The following EPB41L1 variants were observed in gnomAD, a reference collection of about 807,000 sequenced individuals.
EPB41L1 encodes the protein band 4.1-like protein 1.
EPB41L1 carries 29 observed loss-of-function variants against 97.8 expected under a neutral mutation model. The ratio of observed to expected loss-of-function variants is 0.30; its 90% CI spans 0.22 to 0.40. The LOEUF is 0.40. Ranked by LOEUF, EPB41L1 falls within the 10% of genes least tolerant of loss-of-function variation. The probability of loss-of-function intolerance (pLI) is 1.00; values close to 1 mark genes in which losing one functional copy is unlikely to be tolerated. For missense variants in EPB41L1, 812 were observed against 1,162.3 expected, an observed-to-expected ratio of 0.70 and a Z score of 4.38; for synonymous variants, 383 against 459.2, an observed-to-expected ratio of 0.83 and a Z score of 2.12.
At chr20:36,117,695 G>C (rs371203552) in intron 2 of EPB41L1, among the ~76,000 whole-genome samples, 1 of 152,242 alleles carries the variant, frequency 6.6e-6, no homozygotes, top group Non-Finnish European at 1.5e-5. Context: ...AGAAGCCAGT[G>C]TCCAGGAATC....
intron 1 of EPB41L1, chr20:36,155,813 C>T: frequency 1.1e-5 from 4 of 362,254 alleles, no homozygotes; most frequent in South Asian, 8.1e-5. Flanking sequence ...CGCATAGCAC[C>T]TCCTCTGCAC....
intron 2 of EPB41L1, among the ~76,000 whole-genome samples, chr20:36,136,617 G>A (rs933017197): frequency 2.7e-5 from 4 of 147,200 alleles, no homozygotes; most frequent in African/African-American, 5.0e-5. Context: ...ATGGTGTCTC[G>A]CTCTGTTGCC....
In EPB41L1 at chr20:36,093,491, G is replaced by C. The variant is rs1601171924; in HGVS notation, c.-65+1879G>C. Reference sequence around the variant, plus strand: ...GGCGGTCCAGGCGCCGCCGCCGCTGGGAGCTGGGCACCTGGCCTGGGCGGT... The same window carrying C: ...GGCGGTCCAGGCGCCGCCGCCGCTGCGAGCTGGGCACCTGGCCTGGGCGGT... On this transcript the variant is annotated intron_variant, in intron 1 of 19. Coordinates refer to the EPB41L1 transcript ENST00000202028. The surrounding 1 kb of genome is among the most constrained non-coding windows in gnomAD (Gnocchi z 5.4). 6.6e-6 allele frequency among the ~76,000 whole-genome samples: 1 copy of C among 152,126 alleles called. No individual in the cohort carries two copies. The highest frequency in any genetic ancestry group is 6.5e-5 in the Admixed American group (1 of 15,302).
At chr20:36,154,716 C>A, upstream of EPB41L1, 1 of 980,000 alleles carries the variant, frequency 1.0e-6, no homozygotes, top group South Asian at 4.5e-5. This position sits in a 1 kb window ranked among gnomAD's most constrained non-coding sequence, Gnocchi z 5.5. Flanking sequence ...CACGCCGAGC[C>A]GCCGCCGCCG....
rs1407910985 is a variant in EPB41L1 at position 36,188,488 on chromosome 20, C to T, written c.1015C>T (p.Arg339Trp). ...GAGGAGTAACTTCTATATCAAGATC[C>T]GGCCTGGGGAGGTGAGTCTGCCTTG... ...YKRSNFYIKI[R>W]PGEYEQFEST... Residue 339 changes from arginine to tryptophan, a missense_variant, in exon 9 of 22, where the codon CGG becomes TGG. By Grantham distance (101) the Arg-to-Trp change is moderately radical. Around this residue, in one of 3 missense-constraint regions of EPB41L1, gnomAD observed 230 missense variants for 445.2 expected, o/e 0.52. Coordinates refer to ENST00000338074, the MANE Select transcript of EPB41L1 (RefSeq NM_012156.2). 1.2e-6 allele frequency: 2 copies of T among 1,612,998 alleles called. No individual in the cohort carries two copies. The highest frequency in any genetic ancestry group is 1.7e-6 in the Non-Finnish European group (2 of 1,179,672).
chr20:36,176,480 A>G (rs928164481), intron 3 of EPB41L1, among the ~76,000 whole-genome samples: 7 of 152,072 alleles, frequency 4.6e-5, no homozygotes, highest in African/African-American at 9.7e-5. Context: ...TGTCCTTGCT[A>G]CTGAGATATA....
At chr20:36,173,111 A>C (rs1726982192) in intron 1 of EPB41L1, among the ~76,000 whole-genome samples, 1 of 152,206 alleles carries the variant, frequency 6.6e-6, no homozygotes, top group Admixed American at 6.5e-5. Flanking sequence ...AGTCTGAGAG[A>C]GGTGAAGTGA....
chr20:36,121,270 G>T (rs1460591121), intron 2 of EPB41L1, among the ~76,000 whole-genome samples: 4 of 152,084 alleles, frequency 2.6e-5, no homozygotes, highest in Non-Finnish European at 5.9e-5. Flanking sequence ...GATGGTGTTT[G>T]GTTATAGCAG....
intron 1 of EPB41L1, among the ~76,000 whole-genome samples, chr20:36,173,292 A>C (rs1600731154): frequency 6.6e-6 from 1 of 152,180 alleles, no homozygotes; most frequent in East Asian, 1.9e-4. Flanking sequence ...TGGGGTATGA[A>C]GAGGTGTGTC....
chr20:36,100,330 C>G (rs1039149870), intron 1 of EPB41L1, among the ~76,000 whole-genome samples: 2 of 152,128 alleles, frequency 1.3e-5, no homozygotes, highest in Non-Finnish European at 2.9e-5. Flanking sequence ...CTCCCCTTCC[C>G]TCTCCCCACC....
rs1048037061 is a variant in EPB41L1, at chr20:36,229,435, C to T, written c.*95C>T. 22 of 1,248,666 alleles carry T rather than the reference C, an allele frequency of 1.8e-5. No homozygotes were observed. The highest frequency in any genetic ancestry group is 7.4e-5 in the African/African-American group (5 of 67,664). The allele number at this position is 1,248,666 out of a possible 1,614,324, so 77.3% of individuals were successfully genotyped here. On this transcript the variant is annotated 3_prime_UTR_variant, in exon 22 of 22. Transcript: ENST00000338074. ...TCTGGATTCTCCGACGCAACACTGA[C>T]GTCCCAGCTGCGACGTACTGTCACT...
intron 1 of EPB41L1, among the ~76,000 whole-genome samples, chr20:36,101,129 C>G (rs1019024111): frequency 5.9e-5 from 9 of 152,188 alleles, no homozygotes; most frequent in African/African-American, 1.9e-4. Flanking sequence ...TGCTTGGGAG[C>G]TTGGATATGC....
intron 1 of EPB41L1, among the ~76,000 whole-genome samples, chr20:36,158,942 A>C (rs1407503639): frequency 2.6e-5 from 4 of 152,244 alleles, no homozygotes; most frequent in Non-Finnish European, 4.4e-5. Flanking sequence ...GCATGACAGA[A>C]CTGTGTTTTG....
At chr20:36,219,235 G>T in intron 18 of EPB41L1, among the ~76,000 whole-genome samples, 1 of 152,176 alleles carries the variant, frequency 6.6e-6, no homozygotes, top group South Asian at 2.1e-4. Flanking sequence ...GCTGCTGAGG[G>T]TTCTTTTGCA....
chr20:36,211,566 A>T (rs966338312), intron 15 of EPB41L1, among the ~76,000 whole-genome samples: 3 of 151,696 alleles, frequency 2.0e-5, no homozygotes, highest in African/African-American at 7.3e-5. Flanking sequence ...TCTAAAGAAG[A>T]GTCCAGGCTG....
chr20:36,211,582 G>A (rs1427503363), intron 15 of EPB41L1, among the ~76,000 whole-genome samples: 2 of 148,498 alleles, frequency 1.3e-5, no homozygotes, highest in Non-Finnish European at 1.5e-5. Context: ...GGCTGGGCAC[G>A]GTGGCCCACA....
intron 1 of EPB41L1, among the ~76,000 whole-genome samples, chr20:36,164,041 A>G (rs2060637703): frequency 6.6e-6 from 1 of 152,098 alleles, no homozygotes; most frequent in African/African-American, 2.4e-5. Flanking sequence ...ACAGGGTTTC[A>G]CCTTGTTGGC....
In EPB41L1 at chr20:36,190,782, C is replaced by G; in HGVS notation, c.1285C>G (p.Arg429Gly). The change falls in exon 11 of 22, where the codon CGC becomes GGC. Residue 429 changes from arginine to glycine, a missense_variant. Arg to Gly is a moderately radical substitution (Grantham distance 125, BLOSUM62 -2). Around this residue, in one of 3 missense-constraint regions of EPB41L1, gnomAD observed 498 missense variants for 622.7 expected, o/e 0.80. Transcript: ENST00000338074. This position sits in a 1 kb window ranked among gnomAD's most constrained non-coding sequence, Gnocchi z 5.8. ...RSSSKRYTMS[R>G]SLDGAEFSRP... ...TTCCAGCAAACGGTACACCATGTCC[C>G]GCAGCCTTGATGGAGGTATGGCCCA... 1 of 1,613,960 alleles carries G rather than the reference C, an allele frequency of 6.2e-7. No individual in the cohort carries two copies. The highest frequency in any genetic ancestry group is 8.5e-7 in the Non-Finnish European group (1 of 1,180,032).
chr20:36,129,127 C>T (rs1379882906), intron 2 of EPB41L1, among the ~76,000 whole-genome samples: 2 of 149,152 alleles, frequency 1.3e-5, no homozygotes, highest in Non-Finnish European at 3.0e-5. Flanking sequence ...AGGGATGGGC[C>T]TAAGAAGCCA....
Sources: gnomAD v4.1 joint callset for allele counts (sites outside exome capture counted in the v4.1 genomes callset) on GRCh38, gnomAD v4.1.1 for gene constraint, gnomAD v4.1.1 regional missense constraint, Gnocchi (gnomAD v3.1) non-coding constraint, MANE v1.5 for transcripts, NCBI Gene and HGNC (gene_info 2026-07-23, HGNC 2026-07-21) for gene names.